The following PIBF1 variants were observed in gnomAD, a reference collection of about 807,000 sequenced individuals.
The protein encoded by PIBF1 is progesterone immunomodulatory binding factor 1.
A neutral mutation model predicts 112.5 loss-of-function variants in PIBF1; 90 were observed. The ratio of observed to expected loss-of-function variants is 0.80; its 90% CI spans 0.67 to 0.95. The LOEUF (loss-of-function observed/expected upper bound fraction) is 0.95. Among genes scored for constraint, PIBF1 ranks in the 40% least tolerant of loss-of-function variants. PIBF1 has a pLI of 0.00. For synonymous variants in PIBF1, 301 were observed against 288.6 expected (o/e 1.04, Z -0.44); for missense variants, 915 against 852.3 (o/e 1.07, Z -0.92).
intron 10 of PIBF1, among the ~76,000 whole-genome samples, chr13:72,877,614 G>T (rs1456415957): frequency 6.6e-6 from 1 of 152,044 alleles, no homozygotes; most frequent in African/African-American, 2.4e-5. Flanking sequence ...TTAGCAGATT[G>T]TGTCTTTCAA....
chr13:72,930,561 G>T (rs1051073387), intron 13 of PIBF1, among the ~76,000 whole-genome samples: 1 of 152,042 alleles, frequency 6.6e-6, no homozygotes, highest in Non-Finnish European at 1.5e-5. Flanking sequence ...AATACTAAAG[G>T]TCAGTGCAAT....
chr13:72,934,983 T>C (rs375680022), intron 14 of PIBF1, among the ~76,000 whole-genome samples: 48 of 150,948 alleles, frequency 3.2e-4, no homozygotes, highest in African/African-American at 7.4e-4. Flanking sequence ...GTCTGTCTGT[T>C]TGTTTGTTTG....
chr13:72,985,613 T>G (rs2043264061), intron 16 of PIBF1, among the ~76,000 whole-genome samples: 1 of 152,158 alleles, frequency 6.6e-6, no homozygotes, highest in Non-Finnish European at 1.5e-5. Context: ...ATGAGATAAT[T>G]ATAGTCATAA....
chr13:72,924,602 C>T (rs2041415629), intron 13 of PIBF1, among the ~76,000 whole-genome samples: 1 of 152,070 alleles, frequency 6.6e-6, no homozygotes, highest in Non-Finnish European at 1.5e-5. Flanking sequence ...CACCTGTGGT[C>T]CCAGCTATGT....
intron 16 of PIBF1, among the ~76,000 whole-genome samples, chr13:72,996,880 T>G (rs2043691402): frequency 6.6e-6 from 1 of 152,228 alleles, no homozygotes; most frequent in South Asian, 2.1e-4. Flanking sequence ...TAAATGTTAT[T>G]TGGGTACCCA....
chr13:72,812,085 A>T (rs886778601), intron 5 of PIBF1, among the ~76,000 whole-genome samples: 1 of 152,080 alleles, frequency 6.6e-6, no homozygotes, highest in Non-Finnish European at 1.5e-5. Flanking sequence ...GAAATTTTGA[A>T]CCCAGTGGCC....
chr13:72,976,907 A>T (rs1360770773), intron 16 of PIBF1, among the ~76,000 whole-genome samples: 1 of 152,118 alleles, frequency 6.6e-6, no homozygotes, highest in Non-Finnish European at 1.5e-5. Flanking sequence ...AGGGTGAGGC[A>T]AGCAAGGCAT....
intron 5 of PIBF1, among the ~76,000 whole-genome samples, chr13:72,811,564 C>G (rs2036011029): frequency 6.9e-6 from 1 of 145,764 alleles, no homozygotes; most frequent in Non-Finnish European, 1.5e-5. Context: ...CCGTTGCTCT[C>G]TAGCCTGGGT....
At chr13:72,826,190 A>G (rs991530339) in intron 6 of PIBF1, among the ~76,000 whole-genome samples, 1 of 152,164 alleles carries the variant, frequency 6.6e-6, no homozygotes, top group Non-Finnish European at 1.5e-5. Context: ...GTATCAGAAT[A>G]GTAATACTGA....
At chr13:72,869,899 T>C (rs2039091627) in intron 10 of PIBF1, among the ~76,000 whole-genome samples, 1 of 152,064 alleles carries the variant, frequency 6.6e-6, no homozygotes, top group South Asian at 2.1e-4. Flanking sequence ...GAGTTTTCAA[T>C]AAAAAAGACT....
At chr13:72,934,473 A>G (rs2041804998) in intron 14 of PIBF1, among the ~76,000 whole-genome samples, 1 of 151,980 alleles carries the variant, frequency 6.6e-6, no homozygotes, top group Non-Finnish European at 1.5e-5. Flanking sequence ...AATTTTTTGT[A>G]TTTTTAGTAG....
intron 10 of PIBF1, among the ~76,000 whole-genome samples, chr13:72,889,144 A>G (rs1280762242): frequency 6.6e-6 from 1 of 152,226 alleles, no homozygotes; most frequent in East Asian, 1.9e-4. Context: ...TTGAAAATAA[A>G]TTTGAAAATA....
rs187558683 is a variant in PIBF1, at chr13:72,991,758, G to A, written c.2050-7064G>A. 2.4e-3 allele frequency among the ~76,000 whole-genome samples: 353 copies of A among 148,790 alleles called. 2 individuals are homozygous for A. Among genetic ancestry groups the A allele is most frequent in the Non-Finnish European group, 4.0e-3 (273 of 67,498 alleles). ...TTTTTAGATGGAGTCTCGCTCTGTC[G>A]CCCAGGCTGGAGTGCAGTGGCACGA... On this transcript the variant is annotated intron_variant, in intron 16 of 17. Transcript: ENST00000326291.
At chr13:72,864,378 A>G (rs1566375346) in intron 10 of PIBF1, among the ~76,000 whole-genome samples, 1 of 152,200 alleles carries the variant, frequency 6.6e-6, no homozygotes, top group African/African-American at 2.4e-5. Flanking sequence ...ACTCAAGTAC[A>G]TGTTCTTCCG....
chr13:72,987,842 ATTTATTTATTTATTTATTTTTTTT>A (rs1287428586), intron 16 of PIBF1, among the ~76,000 whole-genome samples: 3 of 66,436 alleles, frequency 4.5e-5, no homozygotes, highest in Non-Finnish European at 7.8e-5. Flanking sequence ...TTTGTAATTT[ATTTATTTATTTATTTATTTTTTTT>A]TTTTTTTTTT....
intron 14 of PIBF1, among the ~76,000 whole-genome samples, chr13:72,933,958 C>T (rs184174641): frequency 2.9e-4 from 44 of 152,136 alleles, no homozygotes; most frequent in African/African-American, 8.9e-4. Flanking sequence ...AGTTGGATGA[C>T]GTTTACATAT....
chr13:72,960,283 T>C (rs983245140), intron 14 of PIBF1, among the ~76,000 whole-genome samples: 5 of 152,140 alleles, frequency 3.3e-5, no homozygotes, highest in Non-Finnish European at 5.9e-5. Flanking sequence ...TGGTGGTGCA[T>C]GCCTGTGGTC....
At chr13:72,968,012 T>C (rs2042790825) in intron 15 of PIBF1, among the ~76,000 whole-genome samples, 1 of 151,864 alleles carries the variant, frequency 6.6e-6, no homozygotes, top group Non-Finnish European at 1.5e-5. Flanking sequence ...GGTGAAACCC[T>C]GTCTCTACTA....
At chr13:72,836,998 G>A (rs1206429379) in intron 9 of PIBF1, among the ~76,000 whole-genome samples, 1 of 151,312 alleles carries the variant, frequency 6.6e-6, no homozygotes, top group Non-Finnish European at 1.5e-5. Context: ...ATTTTTTCTT[G>A]TTCTTCTCTT....
Sources: gnomAD v4.1 joint callset for allele counts (sites outside exome capture counted in the v4.1 genomes callset) on GRCh38, gnomAD v4.1.1 for gene constraint, MANE v1.5 for transcripts, NCBI Gene and HGNC (gene_info 2026-07-23, HGNC 2026-07-21) for gene names.